Variants in PCDH9 observed in about 807,000 individuals in gnomAD.
PCDH9 encodes the protein protocadherin-9.
PCDH9 carries 24 observed loss-of-function variants against 70.6 expected under a neutral mutation model. That is an observed-to-expected ratio of 0.34 (90% CI 0.25 to 0.48). PCDH9 has a LOEUF of 0.48. Ranked by LOEUF, PCDH9 falls within the 20% of genes least tolerant of loss-of-function variation. The probability of loss-of-function intolerance (pLI) is 0.99; values close to 1 mark genes in which losing one functional copy is unlikely to be tolerated. For synonymous variants in PCDH9, 562 were observed against 558.5 expected (o/e 1.01, Z -0.09); for missense variants, 1,281 against 1,503.6 (o/e 0.85, Z 2.45).
intron 4 of PCDH9, among the ~76,000 whole-genome samples, chr13:66,588,470 T>C (rs1162034809): frequency 6.8e-6 from 1 of 146,886 alleles, no homozygotes; most frequent in Non-Finnish European, 1.5e-5. Context: ...TATTTTATTT[T>C]GCACTCAAAG....
chr13:66,510,140 A>C (rs117297192), intron 4 of PCDH9, among the ~76,000 whole-genome samples: 1,672 of 152,214 alleles, frequency 0.011, 39 homozygotes, highest in East Asian at 0.092. Flanking sequence ...CTCAACACTT[A>C]CACTGAGTTA....
intron 4 of PCDH9, among the ~76,000 whole-genome samples, chr13:66,382,266 T>A (rs1460640658): frequency 6.6e-6 from 1 of 152,202 alleles, no homozygotes; most frequent in Non-Finnish European, 1.5e-5. Flanking sequence ...TGTGTACTGA[T>A]AAGTCAAATT....
intron 4 of PCDH9, among the ~76,000 whole-genome samples, chr13:66,430,569 G>A (rs1462465088): frequency 6.6e-6 from 1 of 152,068 alleles, no homozygotes; most frequent in Non-Finnish European, 1.5e-5. Flanking sequence ...CCAGGTGTTG[G>A]CCCTGTGTTA....
intron 4 of PCDH9, among the ~76,000 whole-genome samples, chr13:66,444,520 A>G (rs1958035167): frequency 6.6e-6 from 1 of 151,740 alleles, no homozygotes. Context: ...AGCATTAGAG[A>G]GGAGATATTT....
In PCDH9 at chr13:67,122,621, A is replaced by C. The variant is rs138801126; in HGVS notation, c.3036+102784T>G. On this transcript the variant is annotated intron_variant, in intron 2 of 4. Transcript: ENST00000377865. ...AACCCTGTCTGTACTAAAATACAAAAAAATTAGCTGGGTGTAGTGATGCGT... is the reference window on the plus strand; with the variant it reads ...AACCCTGTCTGTACTAAAATACAAACAAATTAGCTGGGTGTAGTGATGCGT... 6.3e-4 allele frequency among the ~76,000 whole-genome samples: 95 copies of C among 151,922 alleles called. No homozygotes were observed. In the East Asian group the frequency reaches 0.017, roughly 26 times the overall value.
intron 4 of PCDH9, among the ~76,000 whole-genome samples, chr13:66,563,416 C>T (rs1241828005): frequency 1.3e-5 from 2 of 152,144 alleles, no homozygotes; most frequent in Non-Finnish European, 2.9e-5. Context: ...TCAGTCAAAA[C>T]CACCCTACAT....
intron 3 of PCDH9, among the ~76,000 whole-genome samples, chr13:66,848,022 G>GT (rs1341759847): frequency 6.6e-6 from 1 of 152,126 alleles, no homozygotes; most frequent in Non-Finnish European, 1.5e-5. Context: ...TATGTTTTTA[G>GT]TTTGATTCTT....
intron 4 of PCDH9, among the ~76,000 whole-genome samples, chr13:66,612,392 C>A (rs186404906): frequency 2.5e-4 from 38 of 152,284 alleles, no homozygotes; most frequent in African/African-American, 8.4e-4. Context: ...CATGATAGAG[C>A]AATGCATTTA....
chr13:66,444,812 C>T (rs1179583592), intron 4 of PCDH9, among the ~76,000 whole-genome samples: 8 of 151,916 alleles, frequency 5.3e-5, no homozygotes, highest in South Asian at 2.1e-4. Context: ...CCGCCTTCCC[C>T]GGCCTCCCAA....
intron 2 of PCDH9, among the ~76,000 whole-genome samples, chr13:66,984,007 A>G (rs1414483227): frequency 1.3e-5 from 2 of 152,136 alleles, no homozygotes; most frequent in Admixed American, 6.5e-5. Context: ...AATAAATAAC[A>G]ACTAAACATA....
intron 2 of PCDH9, among the ~76,000 whole-genome samples, chr13:67,025,330 T>A (rs937791168): frequency 6.6e-6 from 1 of 152,188 alleles, no homozygotes; most frequent in African/African-American, 2.4e-5. Flanking sequence ...AACAAGTCAT[T>A]TCAAATGCAA....
chr13:66,504,155 C>A (rs1287781896), intron 4 of PCDH9, among the ~76,000 whole-genome samples: 1 of 152,216 alleles, frequency 6.6e-6, no homozygotes, highest in Non-Finnish European at 1.5e-5. Context: ...TGGTAAATAC[C>A]ACCTTCTTAG....
chr13:66,620,825 G>T (rs2077413024), intron 4 of PCDH9, among the ~76,000 whole-genome samples: 1 of 151,814 alleles, frequency 6.6e-6, no homozygotes, highest in Non-Finnish European at 1.5e-5. Flanking sequence ...TGGTCCTCTT[G>T]GACCAAGTAA....
At chr13:66,938,570 G>A (rs1423195012) in intron 2 of PCDH9, among the ~76,000 whole-genome samples, 1 of 152,132 alleles carries the variant, frequency 6.6e-6, no homozygotes, top group African/African-American at 2.4e-5. Context: ...GTTATTTAGA[G>A]TTTGCAATGT....
At chr13:67,169,532 C>G (rs1485014854) in intron 2 of PCDH9, among the ~76,000 whole-genome samples, 1 of 152,116 alleles carries the variant, frequency 6.6e-6, no homozygotes, top group Non-Finnish European at 1.5e-5. Context: ...TTCTGAAGTG[C>G]TCATTGTTTA....
intron 4 of PCDH9, among the ~76,000 whole-genome samples, chr13:66,427,338 A>C (rs1449237514): frequency 6.6e-6 from 1 of 151,750 alleles, no homozygotes; most frequent in East Asian, 1.9e-4. Flanking sequence ...GCAGAAACTT[A>C]TTTAATTATT....
At chr13:66,733,764 T>G (rs2079107532) in intron 3 of PCDH9, among the ~76,000 whole-genome samples, 1 of 151,956 alleles carries the variant, frequency 6.6e-6, no homozygotes, top group Non-Finnish European at 1.5e-5. Context: ...TATTAAAGAC[T>G]GTACTTTGAA....
At chr13:66,591,971 G>C (rs2077044350) in intron 4 of PCDH9, among the ~76,000 whole-genome samples, 1 of 151,464 alleles carries the variant, frequency 6.6e-6, no homozygotes, top group Non-Finnish European at 1.5e-5. Flanking sequence ...AAGAAAGAAA[G>C]AAAATTGAAA....
At chr13:67,104,891 G>A (rs564452429) in intron 2 of PCDH9, among the ~76,000 whole-genome samples, 3 of 151,146 alleles carry the variant, frequency 2.0e-5, no homozygotes, top group Admixed American at 1.3e-4. Flanking sequence ...CTTTCTATAA[G>A]AGAATCCTTA....
Sources: allele counts gnomAD v4.1 joint callset (sites outside exome capture counted in the v4.1 genomes callset), GRCh38; gene constraint gnomAD v4.1.1; transcripts MANE v1.5; gene names NCBI Gene and HGNC (gene_info 2026-07-23, HGNC 2026-07-21).